KCNT1: variants seen among roughly 807,000 people sequenced by gnomAD.
KCNT1 encodes the protein potassium sodium-activated channel subfamily T member 1.
Under a neutral mutation model 147.8 loss-of-function variants are expected in KCNT1, and 78 were observed. The ratio of observed to expected loss-of-function variants is 0.53; its 90% CI spans 0.44 to 0.64. The LOEUF is 0.64. Ranked by LOEUF, KCNT1 falls within the 30% of genes least tolerant of loss-of-function variation. The probability of loss-of-function intolerance (pLI) is 0.00; values close to 1 mark genes in which losing one functional copy is unlikely to be tolerated. For synonymous variants in KCNT1, 867 were observed against 748.8 expected (o/e 1.16, Z -2.58); for missense variants, 1,419 against 1,750.3 (o/e 0.81, Z 3.38).
At chr9:135,777,117 C>A (rs1833224760) in intron 20 of KCNT1, among the ~76,000 whole-genome samples, 1 of 152,262 alleles carries the variant, frequency 6.6e-6, no homozygotes. Flanking sequence ...GCCCTTTCCA[C>A]CCCTGACATG....
chr9:135,702,722 C>T (rs1588239473), intron 1 of KCNT1, among the ~76,000 whole-genome samples: 1 of 152,032 alleles, frequency 6.6e-6, no homozygotes, highest in African/African-American at 2.4e-5. Context: ...CCAGCCCCTG[C>T]CCCACCCCAG....
rs569774446 is a variant in KCNT1, at chr9:135,747,329, C to T, written c.255-2769C>T. 1.7e-4 allele frequency among the ~76,000 whole-genome samples: 24 copies of T among 140,730 alleles called. No individual in the cohort carries two copies. In the South Asian group the frequency reaches 5.9e-3, roughly 34 times the overall value. The allele number at this position is 140,730 out of a possible 152,430, so 92.3% of individuals were successfully genotyped here. A position where few individuals can be genotyped will look rare whatever the true frequency, so the allele number is the denominator to read the frequency against. On this transcript the variant is annotated intron_variant, in intron 2 of 30. Transcript: ENST00000371757. ...GCGTTGAGGCTTTTGCCATGGAGGG[C>T]GGGACAGTGGTAGGGAGGCGGGGAG...
intron 29 of KCNT1, chr9:135,788,286 G>T: frequency 2.4e-6 from 2 of 835,604 alleles, no homozygotes; most frequent in Non-Finnish European, 2.0e-6. Flanking sequence ...CACGTCCCAG[G>T]TGTCAGCCCA....
intron 28 of KCNT1, chr9:135,785,639 C>T: frequency 1.7e-6 from 1 of 571,578 alleles, no homozygotes; most frequent in Admixed American, 3.0e-5. Context: ...GCCCATCTGG[C>T]CTGACCAGCC....
intron 19 of KCNT1, among the ~76,000 whole-genome samples, chr9:135,774,020 A>AG (rs1224821645): frequency 6.8e-6 from 1 of 148,036 alleles, no homozygotes; most frequent in Non-Finnish European, 1.5e-5. Context: ...TGGGTGTGCA[A>AG]GGGGGGTGTG....
chr9:135,788,709 A>T (rs562121897), intron 29 of KCNT1, among the ~76,000 whole-genome samples: 1 of 152,124 alleles, frequency 6.6e-6, no homozygotes, highest in Non-Finnish European at 1.5e-5. Context: ...GGCCAGGTGG[A>T]TGGTGACCTT....
intron 29 of KCNT1, chr9:135,790,425 C>T (rs1834406299): frequency 6.6e-6 from 1 of 152,272 alleles, no homozygotes; most frequent in African/African-American, 2.4e-5. Flanking sequence ...AGGTGTCAGG[C>T]CGTCCCATCC....
chr9:135,732,020 A>AGAGCGC (rs1554766176), intron 2 of KCNT1, among the ~76,000 whole-genome samples: 4 of 126,280 alleles, frequency 3.2e-5, no homozygotes, highest in African/African-American at 1.2e-4. Flanking sequence ...AGAGAGAGAG[A>AGAGCGC]GAGAGAGAGA....
rs559398917 is a variant in KCNT1 at position 135,731,275 on chromosome 9, G to A, written c.254+16555G>A. Among the ~76,000 whole-genome samples the A allele has an allele frequency of 1.2e-4, 18 of 152,258 alleles. No individual in the cohort carries two copies. In the East Asian group the frequency reaches 2.5e-3, roughly 21 times the overall value. On this transcript the variant is annotated intron_variant, in intron 2 of 30. Transcript: ENST00000371757. ...ATTCTCTGGGGATGGGTCTTTCAGC[G>A]CGGCTCGCGTTAGAATCTCAGTCGC...
In KCNT1 at chr9:135,745,311, G is replaced by A. The variant is rs534684207; in HGVS notation, c.255-4787G>A. Among the ~76,000 whole-genome samples, 26 of 152,218 alleles carry A rather than the reference G, an allele frequency of 1.7e-4. No homozygotes were observed. The South Asian group carries it at 2.9e-3, about 17-fold the overall frequency. ...TCGGTCATCTCCCACCTCTCAGGGC[G>A]TTCCACCGAGCCCACGCCCAGCTCC... On this transcript the variant is annotated intron_variant, in intron 2 of 30. Transcript: ENST00000371757.
At position 135,768,607 on chromosome 9, in the gene KCNT1, C is replaced by A; in HGVS notation, c.1338-3C>A. On this transcript the variant is annotated splice_polypyrimidine_tract_variant and splice_region_variant and intron_variant, in intron 13 of 30. Transcript: ENST00000371757. ...CCCACGCTCAGGCCCTGGTGCATTG[C>A]AGGATGGACAATGGGGAGGCCTGCT... is the stretch of plus-strand genomic sequence containing the variant. 6.5e-7 allele frequency: 1 copy of A among 1,550,164 alleles called. No homozygotes were observed. Among genetic ancestry groups the A allele is most frequent in the East Asian group, 2.4e-5 (1 of 40,890 alleles).
At chr9:135,729,571 T>C (rs1157630773) in intron 2 of KCNT1, among the ~76,000 whole-genome samples, 2 of 152,226 alleles carry the variant, frequency 1.3e-5, no homozygotes, top group East Asian at 1.9e-4. Context: ...AAGTGGGTGC[T>C]GCTGTGAGCT....
chr9:135,765,683 G>T lies in KCNT1; in HGVS notation c.1260G>T (p.Leu420=), dbSNP rs771897185. The change falls in exon 13 of 31, where the codon CTG becomes CTT. Residue 420 remains leucine (L), a synonymous_variant. Coordinates refer to ENST00000371757, the MANE Select transcript of KCNT1 (RefSeq NM_020822.3). Reference sequence around the variant, plus strand: ...TGGATGTCCAGGTGCGCAGAGTCCTGCAGATCCCTCTGTGGTCCCAGCGGG... The same window carrying T: ...TGGATGTCCAGGTGCGCAGAGTCCTTCAGATCCCTCTGTGGTCCCAGCGGG... ...TEMDVQVRRV[L]QIPLWSQRVI... 2 of 1,610,806 alleles carry T rather than the reference G, an allele frequency of 1.2e-6. No homozygotes were observed. The highest frequency in any genetic ancestry group is 2.7e-5 in the African/African-American group (2 of 74,896).
intron 15 of KCNT1, among the ~76,000 whole-genome samples, chr9:135,769,144 TGTGCACACGTGGGTGAC>T (rs1832555188): frequency 2.1e-5 from 2 of 97,398 alleles, no homozygotes; most frequent in African/African-American, 7.9e-5. Flanking sequence ...GCAGGGCGCA[TGTGCACACGTGGGTGAC>T]GGTGCGTCTG....
At position 135,758,434 on chromosome 9, in the gene KCNT1, C is replaced by T. The variant is rs1831666807; in HGVS notation, c.780C>T (p.Ile260=). The T allele has an allele frequency of 3.1e-6, 5 of 1,613,394 alleles. No homozygotes were observed. The highest frequency in any genetic ancestry group is 3.3e-4 in the Middle Eastern group (2 of 6,062). The change falls in exon 10 of 31, where the codon ATC becomes ATT. Residue 260 remains isoleucine, a synonymous_variant. Coordinates refer to ENST00000371757, the MANE Select transcript of KCNT1 (RefSeq NM_020822.3). ...CACAGAATGACTTCCACCGTGCCAT[C>T]CTGCGGACACAGTCAGCCATGTTCA... is the stretch of plus-strand genomic sequence containing the variant. The part of the protein sequence containing the change: ...ENMINDFHRA[I]LRTQSAMFNQ...
Position 135,702,343 on chromosome 9 carries a change from T to C in KCNT1, c.85T>C (p.Phe29Leu), listed in dbSNP as rs1406826181. 6.2e-7 allele frequency: 1 copy of C among 1,611,194 alleles called. No homozygotes were observed. The highest frequency in any genetic ancestry group is 2.2e-5 in the East Asian group (1 of 44,766). ...GGGCTACACCAACCGGACCTTCGAG[T>C]TTGACGACGGCCAATGCGCCCCCAG... ...GGGYTNRTFE[F>L]DDGQCAPRRP... Residue 29 changes from phenylalanine (F) to leucine (L), a missense_variant, in exon 1 of 31, where the codon TTT becomes CTT. Physicochemically the swap from Phe to Leu is conservative, Grantham distance 22. Coordinates refer to ENST00000371757, the MANE Select transcript of KCNT1 (RefSeq NM_020822.3).
chr9:135,778,311 CT>C, intron 21 of KCNT1, 112 bp from the exon 22 acceptor site: 10 of 923,528 alleles, frequency 1.1e-5, no homozygotes, highest in Non-Finnish European at 1.7e-5. Context: ...CGCTGCGGTT[CT>C]GGGGAACCCC....
At chr9:135,732,679 TG>T (rs1830149561) in intron 2 of KCNT1, among the ~76,000 whole-genome samples, 1 of 152,140 alleles carries the variant, frequency 6.6e-6, no homozygotes, top group Non-Finnish European at 1.5e-5. Flanking sequence ...AAATTCCTCC[TG>T]GGGAACTTCC....
intron 15 of KCNT1, among the ~76,000 whole-genome samples, chr9:135,769,162 G>C: frequency 1.2e-5 from 1 of 83,242 alleles, no homozygotes; most frequent in East Asian, 2.6e-4. Context: ...CGTGGGTGAC[G>C]GTGCGTCTGG....
Sources: gnomAD v4.1 joint callset for allele counts (sites outside exome capture counted in the v4.1 genomes callset) on GRCh38, gnomAD v4.1.1 for gene constraint, MANE v1.5 for transcripts, NCBI Gene and HGNC (gene_info 2026-07-23, HGNC 2026-07-21) for gene names.